XKR4: variants seen among roughly 807,000 people sequenced by gnomAD.
XKR4 encodes XK-related protein 4.
XKR4 carries 12 observed loss-of-function variants against 53.9 expected under a neutral mutation model. The ratio of observed to expected loss-of-function variants is 0.22; its 90% CI spans 0.14 to 0.36. The LOEUF is 0.36. Ranked by LOEUF, XKR4 falls within the 10% of genes least tolerant of loss-of-function variation. The pLI, the probability that XKR4 is intolerant of heterozygous loss-of-function variation, is 1.00. For synonymous variants in XKR4, 354 were observed against 362.4 expected (o/e 0.98, Z 0.26); for missense variants, 799 against 859.5 (o/e 0.93, Z 0.88).
intron 2 of XKR4, among the ~76,000 whole-genome samples, chr8:55,505,008 G>C (rs568733152): frequency 8.6e-5 from 13 of 151,566 alleles, no homozygotes; most frequent in Admixed American, 8.5e-4. Context: ...CTAACTTTTG[G>C]TTTTCTTGAT....
chr8:55,108,537 C>A (rs1816186587), intron 1 of XKR4, among the ~76,000 whole-genome samples: 1 of 152,046 alleles, frequency 6.6e-6, no homozygotes, highest in Non-Finnish European at 1.5e-5. Flanking sequence ...TAAATAGACC[C>A]ATCATAATGG....
intron 1 of XKR4, among the ~76,000 whole-genome samples, chr8:55,175,762 GTTAT>G (rs1817223213): frequency 1.3e-5 from 2 of 152,156 alleles, no homozygotes; most frequent in Non-Finnish European, 2.9e-5. Context: ...CTGCTTTTGT[GTTAT>G]TTATAGAGAA....
At chr8:55,361,278 A>G (rs973510262) in intron 2 of XKR4, among the ~76,000 whole-genome samples, 3 of 151,916 alleles carry the variant, frequency 2.0e-5, no homozygotes, top group Non-Finnish European at 4.4e-5. Context: ...GGGGAGAGGG[A>G]CGTTGAGAGG....
chr8:55,169,412 T>C (rs1817119132), intron 1 of XKR4, among the ~76,000 whole-genome samples: 1 of 152,202 alleles, frequency 6.6e-6, no homozygotes, highest in Non-Finnish European at 1.5e-5. Flanking sequence ...GAACAGTAAA[T>C]GCCAAACCCA....
At chr8:55,492,483 G>C (rs1335978404) in intron 2 of XKR4, among the ~76,000 whole-genome samples, 6 of 152,186 alleles carry the variant, frequency 3.9e-5, no homozygotes. Context: ...AAGGAAAACA[G>C]TCACCATCCC....
chr8:55,137,784 C>T (rs906097042), intron 1 of XKR4, among the ~76,000 whole-genome samples: 11 of 151,966 alleles, frequency 7.2e-5, no homozygotes, highest in African/African-American at 2.7e-4. Flanking sequence ...TCTGCCCAGG[C>T]TGGTCTCAAA....
intron 2 of XKR4, among the ~76,000 whole-genome samples, chr8:55,440,600 CAAA>C (rs11308311): frequency 6.7e-6 from 1 of 149,290 alleles, no homozygotes. Flanking sequence ...AAACTAGCAG[CAAA>C]AAAAAATGGA....
chr8:55,510,804 A>G (rs920313712), intron 2 of XKR4, among the ~76,000 whole-genome samples: 3 of 152,224 alleles, frequency 2.0e-5, no homozygotes, highest in African/African-American at 7.2e-5. Flanking sequence ...CAGAGACAGC[A>G]TGTAAAGGAG....
At chr8:55,311,829 CAAAAA>C (rs57826022) in intron 1 of XKR4, among the ~76,000 whole-genome samples, 17,231 of 98,662 alleles carry the variant, frequency 0.17, 774 homozygotes, top group Non-Finnish European at 0.21. Flanking sequence ...TGTAATTTAG[CAAAAA>C]AAAAAAAAAA....
intron 2 of XKR4, among the ~76,000 whole-genome samples, chr8:55,420,364 T>G: frequency 6.6e-6 from 1 of 151,938 alleles, no homozygotes; most frequent in Non-Finnish European, 1.5e-5. Flanking sequence ...TTATTCACAA[T>G]AGCAAAGACT....
At chr8:55,487,332 T>C (rs987600707) in intron 2 of XKR4, among the ~76,000 whole-genome samples, 1 of 152,220 alleles carries the variant, frequency 6.6e-6, no homozygotes, top group Non-Finnish European at 1.5e-5. Flanking sequence ...CACAGTCAGT[T>C]GGCTGGTGCC....
intron 2 of XKR4, among the ~76,000 whole-genome samples, chr8:55,457,683 G>A (rs1805590482): frequency 6.6e-6 from 1 of 152,190 alleles, no homozygotes; most frequent in African/African-American, 2.4e-5. Context: ...GAAATGAAGA[G>A]CACTGGAAGT....
intron 1 of XKR4, among the ~76,000 whole-genome samples, chr8:55,303,607 G>T (rs1487429362): frequency 6.6e-6 from 1 of 152,170 alleles, no homozygotes; most frequent in Non-Finnish European, 1.5e-5. Context: ...GTAGAATTTG[G>T]CTATGAATCC....
chr8:55,165,019 A>G (rs545461838), intron 1 of XKR4, among the ~76,000 whole-genome samples: 2 of 152,314 alleles, frequency 1.3e-5, no homozygotes, highest in South Asian at 4.1e-4. Flanking sequence ...CTACAAAATT[A>G]TGGCCCAGTG....
chr8:55,376,072 T>C (rs111679386), intron 2 of XKR4, among the ~76,000 whole-genome samples: 149 of 152,356 alleles, frequency 9.8e-4, no homozygotes, highest in African/African-American at 3.3e-3. Context: ...TTCCTTTTTA[T>C]GGCTGCATAG....
At chr8:55,149,782 T>C (rs1312939592) in intron 1 of XKR4, among the ~76,000 whole-genome samples, 2 of 152,222 alleles carry the variant, frequency 1.3e-5, no homozygotes, top group Non-Finnish European at 2.9e-5. Context: ...AAGCAGGTGC[T>C]GCCTTAAGAT....
At chr8:55,407,936 G>A (rs562924484) in intron 2 of XKR4, among the ~76,000 whole-genome samples, 2 of 152,272 alleles carry the variant, frequency 1.3e-5, no homozygotes, top group African/African-American at 2.4e-5. Flanking sequence ...CTAGGGCAAC[G>A]GATTTCATTT....
intron 1 of XKR4, among the ~76,000 whole-genome samples, chr8:55,237,277 T>A (rs1015007888): frequency 6.6e-6 from 1 of 152,196 alleles, no homozygotes; most frequent in African/African-American, 2.4e-5. Flanking sequence ...TTCACATGTA[T>A]CATTTGCCTC....
intron 1 of XKR4, among the ~76,000 whole-genome samples, chr8:55,123,953 G>A (rs2129352258): frequency 6.6e-6 from 1 of 152,200 alleles, no homozygotes; most frequent in South Asian, 2.1e-4. Flanking sequence ...CCCTAATCTT[G>A]ACCTGCCTGC....
Sources: gnomAD v4.1 joint callset for allele counts (sites outside exome capture counted in the v4.1 genomes callset) on GRCh38, gnomAD v4.1.1 for gene constraint, MANE v1.5 for transcripts, NCBI Gene and HGNC (gene_info 2026-07-23, HGNC 2026-07-21) for gene names.